Variants in MICAL2 observed in about 807,000 individuals in gnomAD.
MICAL2 encodes [F-actin]-monooxygenase MICAL2.
Under a neutral mutation model 127.3 loss-of-function variants are expected in MICAL2, and 77 were observed. That is an observed-to-expected ratio of 0.60 (90% CI 0.50 to 0.73). The LOEUF (loss-of-function observed/expected upper bound fraction) is 0.73, where lower values mean the gene tolerates loss of function less well. MICAL2 is among the 30% of genes least tolerant of loss of function. MICAL2 has a pLI of 0.00. For missense variants in MICAL2, 1,351 were observed against 1,434.4 expected (o/e 0.94, Z 0.94); for synonymous variants, 570 against 551.1 (o/e 1.03, Z -0.48).
At chr11:12,248,716 G>A (rs930155399) in intron 21 of MICAL2, among the ~76,000 whole-genome samples, 14 of 57,790 alleles carry the variant, frequency 2.4e-4, no homozygotes, top group Non-Finnish European at 5.6e-4. Context: ...GGGAAATGCT[G>A]GGAAGTTTTG....
intron 1 of MICAL2, among the ~76,000 whole-genome samples, chr11:12,134,206 A>G (rs1851655084): frequency 6.6e-6 from 1 of 152,228 alleles, no homozygotes; most frequent in Non-Finnish European, 1.5e-5. Flanking sequence ...GGCACATTTA[A>G]GTACTCAAAC....
downstream of MICAL2, chr11:12,293,488 G>A: frequency 2.0e-6 from 3 of 1,495,592 alleles, no homozygotes; most frequent in Non-Finnish European, 2.7e-6. Context: ...GTTGTAGATT[G>A]AGATTTGCTT....
intron 1 of MICAL2, among the ~76,000 whole-genome samples, chr11:12,120,405 C>T (rs766300000): frequency 2.6e-4 from 40 of 152,074 alleles, no homozygotes; most frequent in African/African-American, 3.9e-4. Flanking sequence ...GGCCCAGGCT[C>T]GGAGCTCACA....
intron 22 of MICAL2, among the ~76,000 whole-genome samples, chr11:12,251,466 C>G (rs1167589738): frequency 6.6e-6 from 1 of 150,436 alleles, no homozygotes; most frequent in African/African-American, 2.4e-5. Context: ...TGTGGCCTCT[C>G]AAAGAAGTGC....
Position 12,213,392 on chromosome 11 carries a change from G to A in MICAL2, c.829G>A (p.Asp277Asn). 2 of 1,613,674 alleles carry A rather than the reference G, an allele frequency of 1.2e-6. No homozygotes were observed. The highest frequency in any genetic ancestry group is 1.1e-5 in the South Asian group (1 of 90,988). ...CATCTTCAATCAGAAATTTTTTCAG[G>A]ACCTTAAAGAAGAAACAGGTGGGAC... The part of the protein sequence containing the change: ...AFIFNQKFFQ[D>N]LKEETGIDLE... Residue 277 changes from aspartate to asparagine, a missense_variant, in exon 7 of 28, where the codon GAC (aspartate) becomes AAC (asparagine). Around this residue, in one of 2 missense-constraint regions of MICAL2, gnomAD observed 599 missense variants for 714.9 expected, o/e 0.84. Coordinates refer to ENST00000683283, the MANE Select transcript of MICAL2 (RefSeq NM_001282663.2).
At chr11:12,352,497 C>T (rs899532807) in intron 33 of MICAL2, among the ~76,000 whole-genome samples, 8 of 152,180 alleles carry the variant, frequency 5.3e-5, no homozygotes, top group South Asian at 2.1e-4. Flanking sequence ...CCCCGGTCAA[C>T]GCACTGTAGG....
At chr11:12,359,038 T>C (rs1395323866), downstream of MICAL2, 1 of 152,708 alleles carries the variant, frequency 6.5e-6, no homozygotes, top group Non-Finnish European at 1.5e-5. Context: ...AGGTGTTAAT[T>C]CAATCCAGGG....
chr11:12,303,891 GC>G (rs993366104), intron 29 of MICAL2: 2 of 151,966 alleles, frequency 1.3e-5, no homozygotes, highest in African/African-American at 4.8e-5. Flanking sequence ...AAAAAAATTG[GC>G]CAGAGATGTT....
At chr11:12,316,815 T>G (rs1251989967) in intron 29 of MICAL2, among the ~76,000 whole-genome samples, 2 of 152,236 alleles carry the variant, frequency 1.3e-5, no homozygotes, top group East Asian at 3.8e-4. Context: ...GTAGGGTAAC[T>G]TGCAGATCAC....
chr11:12,316,842 G>A lies in MICAL2; in HGVS notation c.5213-2854G>A. Among the ~76,000 whole-genome samples the A allele has an allele frequency of 2.0e-5, 3 of 152,268 alleles. No individual in the cohort carries two copies. The East Asian group carries it at 5.8e-4, about 29-fold the overall frequency. ...GCAGATCACTTGTTTTCCTTTGAAG[G>A]CTTGCTTTTAAGCTTTTTTCAGGTG... On this transcript the variant is annotated intron_variant, in intron 29 of 34. Coordinates refer to the MICAL2 transcript ENST00000646065.
At chr11:12,282,105 G>A (rs150283777) in intron 2 of MICAL2, among the ~76,000 whole-genome samples, 1 of 152,322 alleles carries the variant, frequency 6.6e-6, no homozygotes, top group African/African-American at 2.4e-5. Context: ...GAAGACGAGG[G>A]CTGGGGCGGA....
At chr11:12,226,456 G>T in intron 14 of MICAL2, 86 bp downstream of exon 14, 2 of 1,383,534 alleles carry the variant, frequency 1.4e-6, no homozygotes, top group South Asian at 1.3e-5. Flanking sequence ...ACACTGTATG[G>T]TCTGTTCTGG....
chr11:12,258,648 C>T, intron 25 of MICAL2, 92 bp downstream of exon 25: 1 of 1,162,646 alleles, frequency 8.6e-7, no homozygotes, highest in Non-Finnish European at 1.2e-6. Flanking sequence ...TTTGCTGGCC[C>T]TAGAGGGATT....
downstream of MICAL2, among the ~76,000 whole-genome samples, chr11:12,264,242 T>A (rs935080977): frequency 2.6e-5 from 4 of 151,944 alleles, no homozygotes; most frequent in Non-Finnish European, 4.4e-5. Context: ...GAGTGGCAAG[T>A]GGAAGGTAAG....
intron 2 of MICAL2, among the ~76,000 whole-genome samples, chr11:12,158,791 C>T (rs1368481139): frequency 6.6e-6 from 1 of 152,184 alleles, no homozygotes; most frequent in Non-Finnish European, 1.5e-5. Flanking sequence ...CTATTTCACG[C>T]ATGAGAAAAC....
At chr11:12,354,461 A>C in intron 33 of MICAL2, among the ~76,000 whole-genome samples, 1 of 127,182 alleles carries the variant, frequency 7.9e-6, no homozygotes, top group East Asian at 2.4e-4. Flanking sequence ...GACAAGAGCA[A>C]ACTCTGTCTC....
At chr11:12,201,771 C>T (rs1309133795) in intron 3 of MICAL2, among the ~76,000 whole-genome samples, 3 of 152,142 alleles carry the variant, frequency 2.0e-5, no homozygotes, top group African/African-American at 7.2e-5. Flanking sequence ...CACTTCTGCC[C>T]ACATGTCCCA....
At chr11:12,218,806 G>A (rs772901376) in intron 8 of MICAL2, among the ~76,000 whole-genome samples, 2 of 152,214 alleles carry the variant, frequency 1.3e-5, no homozygotes, top group Non-Finnish European at 1.5e-5. Context: ...AATTGAGGCA[G>A]TGGTCACTCT....
chr11:12,195,582 C>T (rs1240255474), intron 3 of MICAL2, among the ~76,000 whole-genome samples: 4 of 55,662 alleles, frequency 7.2e-5, no homozygotes, highest in African/African-American at 1.3e-4. Context: ...AAAAAAATTA[C>T]AATGGGAAAA....
Sources: allele counts gnomAD v4.1 joint callset (sites outside exome capture counted in the v4.1 genomes callset), GRCh38; gene constraint gnomAD v4.1.1; regional missense constraint gnomAD v4.1.1; transcripts MANE v1.5; gene names NCBI Gene and HGNC (gene_info 2026-07-23, HGNC 2026-07-21).